Variants in TRMT2B observed in about 807,000 individuals in gnomAD.
TRMT2B encodes tRNA methyltransferase 2B.
TRMT2B carries 34 observed loss-of-function variants against 39.7 expected under a neutral mutation model. The observed-to-expected ratio is 0.86, with a 90% CI of 0.65 to 1.14. The LOEUF (loss-of-function observed/expected upper bound fraction) is 1.14, where lower values mean the gene tolerates loss of function less well. TRMT2B is among the 50% of genes most tolerant of loss of function. The probability of loss-of-function intolerance (pLI) is 0.00; values close to 1 mark genes in which losing one functional copy is unlikely to be tolerated. For missense variants in TRMT2B, 318 were observed against 377.2 expected (o/e 0.84, Z 1.30); for synonymous variants, 132 against 137.3 (o/e 0.96, Z 0.27).
chrX:100,995,268 C>T, the TRMT2B span, among the ~76,000 whole-genome samples: 1 of 111,868 alleles, frequency 8.9e-6, no homozygotes, highest in Non-Finnish European at 1.9e-5. Flanking sequence ...ATTTTTATAG[C>T]TGCAACTAAA....
chrX:101,044,839 C>CAAAAAAAAAAAAAAAAAA (rs753968399), intron 2 of TRMT2B, among the ~76,000 whole-genome samples: 1 of 31,051 alleles, frequency 3.2e-5, no homozygotes, highest in Non-Finnish European at 5.6e-5. Flanking sequence ...AACTCGGTCT[C>CAAAAAAAAAAAAAAAAAA]AAAAAAAAAA....
intron 4 of TRMT2B, among the ~76,000 whole-genome samples, chrX:101,039,513 A>C (rs1233014233): frequency 8.9e-6 from 1 of 112,448 alleles, no homozygotes; most frequent in Non-Finnish European, 1.9e-5. Flanking sequence ...GGCATACAAC[A>C]TTCCAAAACT....
At chrX:101,007,483 C>T (rs1210031831), downstream of TRMT2B, among the ~76,000 whole-genome samples, 1 of 110,332 alleles carries the variant, frequency 9.1e-6, no homozygotes, top group African/African-American at 3.3e-5. Context: ...CCTGCCTCTA[C>T]TAAAAATACA....
intron 7 of TRMT2B, among the ~76,000 whole-genome samples, chrX:101,028,467 G>A (rs2087254933): frequency 9.0e-6 from 1 of 110,743 alleles, no homozygotes; most frequent in Non-Finnish European, 1.9e-5. Context: ...AGGAAATCCT[G>A]TTGTTCTACC....
chrX:100,993,582 G>A, the TRMT2B span, among the ~76,000 whole-genome samples: 3 of 111,740 alleles, frequency 2.7e-5, no homozygotes, highest in African/African-American at 9.8e-5. Context: ...AAGGTGAGCT[G>A]GGTGAAGAAT....
downstream of TRMT2B, among the ~76,000 whole-genome samples, chrX:101,008,996 AAT>A (rs1357611915): frequency 1.8e-5 from 2 of 111,544 alleles, no homozygotes; most frequent in African/African-American, 6.5e-5. Flanking sequence ...TATGTGGCAT[AAT>A]ATGTCTCCTG....
chrX:101,035,275 C>T (rs550347346), intron 7 of TRMT2B, among the ~76,000 whole-genome samples: 1 of 111,874 alleles, frequency 8.9e-6, no homozygotes, highest in African/African-American at 3.2e-5. Context: ...TTCCTCAATT[C>T]TGTTCTGCTG....
At chrX:100,988,549 AT>A in the TRMT2B span, 1 of 1,075,440 alleles carries the variant, frequency 9.3e-7, no homozygotes. Flanking sequence ...TGATGACAAT[AT>A]TTTTGAAGGT....
At position 101,051,817 on chromosome X, in the gene TRMT2B, C is replaced by G; in HGVS notation, c.-507G>C. 1 of 487,067 alleles carries G rather than the reference C, an allele frequency of 2.1e-6. No individual in the cohort carries two copies. The highest frequency in any genetic ancestry group is 2.5e-6 in the Non-Finnish European group (1 of 394,710). The allele number at this position is 487,067 out of a possible 1,213,427, so 40.1% of individuals were successfully genotyped here. Reference sequence around the variant, plus strand: ...GTAACCAATAAATCCTCTTACAAACCTGAGGCGGCAAACTAAAAGGCCAGC... The same window carrying G: ...GTAACCAATAAATCCTCTTACAAACGTGAGGCGGCAAACTAAAAGGCCAGC... On this transcript the variant is annotated splice_region_variant and 5_prime_UTR_variant, in exon 1 of 14. Coordinates refer to ENST00000372936, the MANE Select transcript of TRMT2B (RefSeq NM_024917.6).
At chrX:101,030,638 G>A (rs897409175) in intron 7 of TRMT2B, among the ~76,000 whole-genome samples, 1 of 108,527 alleles carries the variant, frequency 9.2e-6, no homozygotes, top group Non-Finnish European at 1.9e-5. Flanking sequence ...AGTAGAGATA[G>A]GGTTTCACCA....
At chrX:101,002,974 A>G in the TRMT2B span, among the ~76,000 whole-genome samples, 1 of 110,173 alleles carries the variant, frequency 9.1e-6, no homozygotes, top group Non-Finnish European at 1.9e-5. Context: ...CAGTGACACA[A>G]TCTGGTCATG....
the TRMT2B span, among the ~76,000 whole-genome samples, chrX:100,993,253 C>T: frequency 8.9e-6 from 1 of 111,922 alleles, no homozygotes; most frequent in Non-Finnish European, 1.9e-5. Flanking sequence ...ATCTCATGTG[C>T]CCAAGCCAGT....
chrX:100,986,834 C>A, the TRMT2B span: 1 of 1,206,110 alleles, frequency 8.3e-7, no homozygotes, highest in South Asian at 1.8e-5. Flanking sequence ...GCCCTCATGC[C>A]TTGTGATATT....
At chrX:100,974,025 T>C in the TRMT2B span, 2 of 692,351 alleles carry the variant, frequency 2.9e-6, no homozygotes, top group Non-Finnish European at 4.5e-6. Flanking sequence ...TTGAGATTAC[T>C]GCAGGCAGAG....
At chrX:101,000,121 ATT>A in the TRMT2B span, among the ~76,000 whole-genome samples, 13 of 95,838 alleles carry the variant, frequency 1.4e-4, no homozygotes, top group African/African-American at 4.3e-4. Flanking sequence ...ATGAGAGTTA[ATT>A]TTTTTTTTTT....
At chrX:101,031,280 C>T (rs1264635978) in intron 7 of TRMT2B, among the ~76,000 whole-genome samples, 1 of 111,905 alleles carries the variant, frequency 8.9e-6, no homozygotes, top group Non-Finnish European at 1.9e-5. Context: ...GGTCCTAAGG[C>T]CTCACTCTTA....
chrX:101,000,301 T>G, the TRMT2B span, among the ~76,000 whole-genome samples: 1 of 109,696 alleles, frequency 9.1e-6, no homozygotes, highest in African/African-American at 3.3e-5. Flanking sequence ...TTTGTATTTT[T>G]AGTAGAGATG....
the TRMT2B span, among the ~76,000 whole-genome samples, chrX:100,987,874 G>A: frequency 1.8e-5 from 2 of 111,898 alleles, no homozygotes; most frequent in Non-Finnish European, 3.8e-5. Flanking sequence ...AAAGGAACAT[G>A]AGCCCCTTAA....
At chrX:100,982,731 C>G in the TRMT2B span, among the ~76,000 whole-genome samples, 14 of 105,031 alleles carry the variant, frequency 1.3e-4, no homozygotes, top group Non-Finnish European at 1.9e-4. Flanking sequence ...TCATGGGTCA[C>G]TACAGCCTCG....
Sources: gnomAD v4.1 joint callset for allele counts (sites outside exome capture counted in the v4.1 genomes callset) on GRCh38, gnomAD v4.1.1 for gene constraint, MANE v1.5 for transcripts, NCBI Gene and HGNC (gene_info 2026-07-23, HGNC 2026-07-21) for gene names.